The following GLI2 variants were observed in gnomAD, a reference collection of about 807,000 sequenced individuals.
The protein encoded by GLI2 is GLI family zinc finger 2.
In GLI2, 22 loss-of-function variants were observed where a neutral mutation model predicts 78.9. The ratio of observed to expected loss-of-function variants is 0.28; its 90% confidence interval spans 0.20 to 0.40. GLI2 has a LOEUF of 0.40. GLI2 is among the 10% of genes least tolerant of loss of function. The pLI is 1.00. For missense variants in GLI2, 2,097 were observed against 2,213.2 expected (o/e 0.95, Z 1.05); for synonymous variants, 974 against 963.7 (o/e 1.01, Z -0.20).
At chr2:120,768,360 G>A (rs1322362204) in intron 1 of GLI2, among the ~76,000 whole-genome samples, 1 of 152,216 alleles carries the variant, frequency 6.6e-6, no homozygotes, top group Non-Finnish European at 1.5e-5. Flanking sequence ...AGCTCTGCTT[G>A]CAGGGACTTT....
At chr2:120,841,741 T>TG (rs1474893327) in intron 2 of GLI2, among the ~76,000 whole-genome samples, 1 of 152,052 alleles carries the variant, frequency 6.6e-6, no homozygotes, top group Non-Finnish European at 1.5e-5. Context: ...CAGAGTATGG[T>TG]GGGGGAGAGG....
intron 1 of GLI2, among the ~76,000 whole-genome samples, chr2:120,792,881 A>G (rs1310773041): frequency 6.6e-6 from 1 of 152,170 alleles, no homozygotes; most frequent in Non-Finnish European, 1.5e-5. Flanking sequence ...TCGGCCTCCC[A>G]AAGTGCTGGG....
intron 2 of GLI2, among the ~76,000 whole-genome samples, chr2:120,871,878 T>C (rs1272800146): frequency 6.6e-6 from 1 of 152,102 alleles, no homozygotes; most frequent in East Asian, 1.9e-4. Context: ...GCCGGGCCCA[T>C]TTATTATGTT....
At position 120,951,438 on chromosome 2, in the gene GLI2, C is replaced by T. The variant is rs1425967533; in HGVS notation, c.450C>T (p.Pro150=). The T allele has an allele frequency of 3.7e-6, 6 of 1,607,952 alleles. No individual in the cohort carries two copies. The highest frequency in any genetic ancestry group is 2.2e-5 in the East Asian group (1 of 44,836). The change falls in exon 4 of 14, where the codon CCC becomes CCT. Residue 150 remains proline (P), a synonymous_variant. Transcript: ENST00000361492. ...SMISAARGLS[P]ADVAQEHLKE... is the part of the protein sequence containing the mutation. ...TCTCTGCAGCCAGGGGCCTCAGCCC[C>T]GCTGATGGTGAGTAGGGTGTGGGGA...
chr2:120,973,412 T>C (rs1173623108), intron 8 of GLI2, among the ~76,000 whole-genome samples: 1 of 152,186 alleles, frequency 6.6e-6, no homozygotes, highest in East Asian at 1.9e-4. Flanking sequence ...TGGCCGGCCA[T>C]ACAGGGCCTC....
At chr2:120,793,777 C>G (rs908486273) in intron 1 of GLI2, among the ~76,000 whole-genome samples, 1 of 152,170 alleles carries the variant, frequency 6.6e-6, no homozygotes, top group Non-Finnish European at 1.5e-5. Context: ...AATAAATGCC[C>G]CTCCTCCCTC....
At chr2:120,941,445 G>A (rs187845918) in intron 3 of GLI2, among the ~76,000 whole-genome samples, 169 of 152,296 alleles carry the variant, frequency 1.1e-3, no homozygotes, top group African/African-American at 4.0e-3. Flanking sequence ...CCAGAGGAGC[G>A]TTCTGGAGCT....
At chr2:120,778,653 G>C (rs1683753000) in intron 1 of GLI2, among the ~76,000 whole-genome samples, 1 of 152,158 alleles carries the variant, frequency 6.6e-6, no homozygotes, top group African/African-American at 2.4e-5. Flanking sequence ...GTGCCCAGGG[G>C]GTATACAGCA....
chr2:120,829,356 G>A (rs903283740), intron 2 of GLI2, among the ~76,000 whole-genome samples: 3 of 152,190 alleles, frequency 2.0e-5, no homozygotes, highest in African/African-American at 7.2e-5. Context: ...TCTGACCAGG[G>A]TTAATGTCTT....
intron 4 of GLI2, among the ~76,000 whole-genome samples, chr2:120,953,457 G>C (rs901094458): frequency 4.6e-5 from 7 of 152,222 alleles, no homozygotes; most frequent in African/African-American, 1.7e-4. Flanking sequence ...ATAAAGTTCT[G>C]TTGTTTTAAC....
chr2:120,949,827 C>A (rs188616213), intron 3 of GLI2, among the ~76,000 whole-genome samples: 1 of 152,342 alleles, frequency 6.6e-6, no homozygotes, highest in African/African-American at 2.4e-5. Context: ...CTGGATGTCA[C>A]CTGTTTGGGT....
intron 2 of GLI2, among the ~76,000 whole-genome samples, chr2:120,896,929 A>G (rs1473668312): frequency 6.6e-6 from 1 of 152,246 alleles, no homozygotes; most frequent in Non-Finnish European, 1.5e-5. Flanking sequence ...ATCAGGGGAA[A>G]GAAAAAAAGG....
chr2:120,943,534 A>G (rs147552533), intron 3 of GLI2, among the ~76,000 whole-genome samples: 515 of 152,298 alleles, frequency 3.4e-3, no homozygotes, highest in African/African-American at 0.012. Flanking sequence ...TCTCTTCATC[A>G]GCAACAGCTG....
chr2:120,924,280 G>A (rs1679549048), intron 2 of GLI2, among the ~76,000 whole-genome samples: 1 of 152,194 alleles, frequency 6.6e-6, no homozygotes, highest in South Asian at 2.1e-4. Flanking sequence ...AAAGTACATA[G>A]CAAGGTGGGG....
intron 10 of GLI2, among the ~76,000 whole-genome samples, chr2:120,978,996 T>G (rs1312238030): frequency 6.6e-6 from 1 of 152,042 alleles, no homozygotes; most frequent in African/African-American, 2.4e-5. Flanking sequence ...TGGTTGAGGG[T>G]TTTTTTGTTT....
intron 2 of GLI2, among the ~76,000 whole-genome samples, chr2:120,811,477 A>T (rs768350939): frequency 2.0e-5 from 3 of 152,198 alleles, no homozygotes; most frequent in Non-Finnish European, 4.4e-5. Flanking sequence ...GGCATCGCTA[A>T]GGAGGGCTCC....
intron 1 of GLI2, among the ~76,000 whole-genome samples, chr2:120,768,288 A>G (rs1004450455): frequency 1.3e-5 from 2 of 152,262 alleles, no homozygotes; most frequent in South Asian, 4.1e-4. Flanking sequence ...CCCGTCTCAG[A>G]GGAAGCACTG....
At chr2:120,875,563 C>T (rs1245238732) in intron 2 of GLI2, among the ~76,000 whole-genome samples, 2 of 152,244 alleles carry the variant, frequency 1.3e-5, no homozygotes, top group African/African-American at 2.4e-5. Flanking sequence ...CGAGTGCTAA[C>T]GGCGGTGCTA....
At chr2:120,922,314 T>C (rs1363622685) in intron 2 of GLI2, among the ~76,000 whole-genome samples, 1 of 152,216 alleles carries the variant, frequency 6.6e-6, no homozygotes, top group Admixed American at 6.5e-5. Context: ...GGCAGGTCCC[T>C]GGTCTTACTC....
Sources: gnomAD v4.1 joint callset for allele counts (sites outside exome capture counted in the v4.1 genomes callset) on GRCh38, gnomAD v4.1.1 for gene constraint, MANE v1.5 for transcripts, NCBI Gene and HGNC (gene_info 2026-07-23, HGNC 2026-07-21) for gene names.